Variants in ZNF148 observed in about 807,000 individuals in gnomAD.
The protein encoded by ZNF148 is zinc finger protein 148.
ZNF148 carries 7 observed loss-of-function variants against 67.7 expected under a neutral mutation model. The ratio of observed to expected loss-of-function variants is 0.10; its 90% CI spans 0.06 to 0.19. The LOEUF (loss-of-function observed/expected upper bound fraction) is 0.19. ZNF148 is among the 10% of genes least tolerant of loss of function. The pLI is 1.00. For missense variants in ZNF148, 583 were observed against 947.1 expected (o/e 0.62, Z 5.05); for synonymous variants, 333 against 330.7 (o/e 1.01, Z -0.08).
chr3:125,258,804 C>T (rs1391319225), intron 7 of ZNF148, among the ~76,000 whole-genome samples: 1 of 151,566 alleles, frequency 6.6e-6, no homozygotes. Context: ...CTTACATTAC[C>T]CATTGAATAT....
intron 7 of ZNF148, among the ~76,000 whole-genome samples, chr3:125,249,179 T>C (rs531362849): frequency 6.6e-5 from 10 of 152,050 alleles, no homozygotes; most frequent in Non-Finnish European, 1.5e-4. Context: ...AATAAATGAG[T>C]AGGACGTCAA....
intron 4 of ZNF148, among the ~76,000 whole-genome samples, chr3:125,312,770 G>A (rs1940285424): frequency 6.6e-6 from 1 of 152,188 alleles, no homozygotes; most frequent in African/African-American, 2.4e-5. Context: ...AAAGGTAGAA[G>A]AAGGAAAAAC....
intron 4 of ZNF148, among the ~76,000 whole-genome samples, chr3:125,293,836 A>ACAGGCAAG (rs1939146233): frequency 6.6e-6 from 1 of 152,228 alleles, no homozygotes; most frequent in Non-Finnish European, 1.5e-5. Context: ...AATAACCATT[A>ACAGGCAAG]CAGGCAAGGC....
chr3:125,356,147 C>A (rs976954106), intron 1 of ZNF148, among the ~76,000 whole-genome samples: 5 of 152,172 alleles, frequency 3.3e-5, no homozygotes, highest in African/African-American at 9.7e-5. Flanking sequence ...TACTCAAGTC[C>A]TCTGTTTTTA....
chr3:125,274,368 A>G (rs994286483), intron 7 of ZNF148, among the ~76,000 whole-genome samples: 1 of 152,226 alleles, frequency 6.6e-6, no homozygotes, highest in African/African-American at 2.4e-5. Context: ...TAAATCTCCC[A>G]TAACTGCCAA....
At chr3:125,254,303 T>C (rs1229461970) in intron 7 of ZNF148, among the ~76,000 whole-genome samples, 1 of 152,168 alleles carries the variant, frequency 6.6e-6, no homozygotes, top group Non-Finnish European at 1.5e-5. Context: ...CATGATCTCT[T>C]TTGACAAATG....
intron 1 of ZNF148, among the ~76,000 whole-genome samples, chr3:125,371,636 G>A (rs1429384543): frequency 1.4e-5 from 2 of 145,516 alleles, no homozygotes; most frequent in African/African-American, 5.1e-5. Context: ...TTCAGCCTGA[G>A]CGACAAAGCT....
chr3:125,340,844 C>T (rs1043279451), intron 1 of ZNF148, among the ~76,000 whole-genome samples: 6 of 151,258 alleles, frequency 4.0e-5, no homozygotes, highest in South Asian at 4.2e-4. Flanking sequence ...AAAAATTAGC[C>T]GGGCGTAGTG....
rs568399748 is a variant in ZNF148 at position 125,276,496 on chromosome 3, C to T, written c.667+1230G>A. 4.6e-5 allele frequency among the ~76,000 whole-genome samples: 7 copies of T among 152,040 alleles called. No homozygotes were observed. The South Asian group carries it at 1.0e-3, about 23-fold the overall frequency. ...TTGCCCAGGCTGGAGTGCAATGGCGCGATCTCGACTCACCGCAACCTCCGC... is the reference window on the plus strand; with the variant it reads ...TTGCCCAGGCTGGAGTGCAATGGCGTGATCTCGACTCACCGCAACCTCCGC... On this transcript the variant is annotated intron_variant, in intron 7 of 8. Coordinates refer to ENST00000360647, the MANE Select transcript of ZNF148 (RefSeq NM_021964.3).
chr3:125,233,064 T>C lies in ZNF148; in HGVS notation c.1662A>G (p.Gly554=). The stretch of plus-strand genomic sequence containing the variant: ...CAACACTGAAGGATATCTCATGCTG[T>C]CCATTAGCTTTGTGGGAATAATGAT... ...LLDHYSHKAN[G]QHEISFSVAD... Residue 554 remains glycine, a synonymous_variant, in exon 9 of 9, where the codon GGA becomes GGG. Coordinates refer to ENST00000360647, the MANE Select transcript of ZNF148 (RefSeq NM_021964.3). This position sits in a 1 kb window ranked among gnomAD's most constrained non-coding sequence, Gnocchi z 5.1. The C allele has an allele frequency of 1.2e-6, 2 of 1,613,522 alleles. No individual in the cohort carries two copies. Among genetic ancestry groups the C allele is most frequent in the Non-Finnish European group, 1.7e-6 (2 of 1,179,846 alleles).
At chr3:125,313,988 G>A (rs1216313369) in intron 3 of ZNF148, among the ~76,000 whole-genome samples, 2 of 151,988 alleles carry the variant, frequency 1.3e-5, no homozygotes, top group Non-Finnish European at 2.9e-5. Context: ...ATATTGAAAT[G>A]TGTTAAAAAT....
At chr3:125,364,025 T>G (rs1942626825) in intron 1 of ZNF148, among the ~76,000 whole-genome samples, 2 of 152,142 alleles carry the variant, frequency 1.3e-5, no homozygotes. Flanking sequence ...GTCACCAGAT[T>G]AGTATTCTTA....
At chr3:125,240,012 T>C (rs1215469898) in intron 7 of ZNF148, among the ~76,000 whole-genome samples, 1 of 152,210 alleles carries the variant, frequency 6.6e-6, no homozygotes, top group Non-Finnish European at 1.5e-5. Context: ...ATAGTGGTGA[T>C]AGTTGTACAA....
chr3:125,228,562 C>T lies in ZNF148; in HGVS notation c.*3779G>A, dbSNP rs1935728588. 1 of 152,636 alleles carries T rather than the reference C, an allele frequency of 6.6e-6. No homozygotes were observed. The highest frequency in any genetic ancestry group is 1.9e-4 in the East Asian group (1 of 5,178). The allele number at this position is 152,636 out of a possible 1,614,324, so 9.5% of individuals were successfully genotyped here. Reference sequence around the variant, plus strand: ...CTTACATACAGTACAACATCATATGCCTTCTAACATAAAGCAGTACTGTGA... The same window carrying T: ...CTTACATACAGTACAACATCATATGTCTTCTAACATAAAGCAGTACTGTGA... On this transcript the variant is annotated 3_prime_UTR_variant, in exon 9 of 9. Transcript: ENST00000360647.
chr3:125,363,706 G>A (rs990341306), intron 1 of ZNF148, among the ~76,000 whole-genome samples: 2 of 151,466 alleles, frequency 1.3e-5, no homozygotes, highest in Non-Finnish European at 2.9e-5. Context: ...ACCCAGGCTG[G>A]AGTGTAGATT....
At chr3:125,329,138 T>G (rs955987055) in intron 2 of ZNF148, among the ~76,000 whole-genome samples, 3 of 150,616 alleles carry the variant, frequency 2.0e-5, no homozygotes, top group African/African-American at 7.3e-5. Context: ...TATACACCTA[T>G]CATAATAAAC....
chr3:125,325,386 C>T (rs561915166), intron 2 of ZNF148, among the ~76,000 whole-genome samples: 2 of 151,408 alleles, frequency 1.3e-5, no homozygotes, highest in South Asian at 2.1e-4. Context: ...TTCAGCTTAC[C>T]AACATTTTGA....
chr3:125,243,347 T>C (rs1410708336), intron 7 of ZNF148, among the ~76,000 whole-genome samples: 1 of 152,236 alleles, frequency 6.6e-6, no homozygotes, highest in African/African-American at 2.4e-5. Flanking sequence ...ATGAATTTAC[T>C]TATTTGCAGT....
chr3:125,296,899 CA>C (rs1434028611), intron 4 of ZNF148, among the ~76,000 whole-genome samples: 1 of 151,396 alleles, frequency 6.6e-6, no homozygotes, highest in African/African-American at 2.4e-5. Flanking sequence ...CAATTTTATA[CA>C]AACACAAATA....
Sources: gnomAD v4.1 joint callset for allele counts (sites outside exome capture counted in the v4.1 genomes callset) on GRCh38, gnomAD v4.1.1 for gene constraint, Gnocchi (gnomAD v3.1) non-coding constraint, MANE v1.5 for transcripts, NCBI Gene and HGNC (gene_info 2026-07-23, HGNC 2026-07-21) for gene names.